The following CNBD1 variants were observed in gnomAD, a reference collection of about 807,000 sequenced individuals.
The protein encoded by CNBD1 is cyclic nucleotide-binding domain-containing protein 1.
CNBD1 carries 71 observed loss-of-function variants against 54.4 expected under a neutral mutation model. The ratio of observed to expected loss-of-function variants is 1.30; its 90% CI spans 1.08 to 1.59. The LOEUF (loss-of-function observed/expected upper bound fraction) is 1.59. Among genes scored for constraint, CNBD1 ranks in the 40% most tolerant of loss-of-function variants. The pLI is 0.00. For missense variants in CNBD1, 659 were observed against 518.0 expected (o/e 1.27, Z -2.64); for synonymous variants, 182 against 170.7 (o/e 1.07, Z -0.51).
At chr8:87,119,284 G>T (rs867230943) in intron 4 of CNBD1, among the ~76,000 whole-genome samples, 3 of 149,382 alleles carry the variant, frequency 2.0e-5, no homozygotes, top group Non-Finnish European at 3.0e-5. Context: ...AGTTTTTCTT[G>T]TAGATACCTT....
rs143072165 is a variant in CNBD1, at chr8:87,320,765, T to C, written c.1043-30920T>C. On this transcript the variant is annotated intron_variant, in intron 8 of 10. Transcript: ENST00000518476. The stretch of plus-strand genomic sequence containing the variant: ...ATCCTAACAAATTTTATGTGCACAT[T>C]ACAGCATTATCAACTGCAATCACAA... 2.7e-3 allele frequency among the ~76,000 whole-genome samples: 415 copies of C among 152,260 alleles called. 2 individuals carry two copies. Among genetic ancestry groups the C allele is most frequent in the Non-Finnish European group, 4.8e-3 (328 of 68,004 alleles).
At chr8:87,387,238 C>CAA (rs1373782446), downstream of CNBD1, among the ~76,000 whole-genome samples, 5 of 152,126 alleles carry the variant, frequency 3.3e-5, no homozygotes, top group East Asian at 5.8e-4. Context: ...ATGACAGGAT[C>CAA]AAGTTCACAC....
chr8:86,892,662 T>G (rs551033268), intron 2 of CNBD1, among the ~76,000 whole-genome samples: 1 of 152,246 alleles, frequency 6.6e-6, no homozygotes, highest in African/African-American at 2.4e-5. Context: ...TTTCAGTACA[T>G]TTAATTAGAA....
At chr8:87,328,217 A>G (rs1362112050) in intron 8 of CNBD1, among the ~76,000 whole-genome samples, 2 of 152,116 alleles carry the variant, frequency 1.3e-5, no homozygotes, top group East Asian at 3.9e-4. Flanking sequence ...TTCTAAAACC[A>G]TTTACTGAAG....
chr8:86,951,354 C>T (rs997415107), intron 4 of CNBD1, among the ~76,000 whole-genome samples: 6 of 151,548 alleles, frequency 4.0e-5, no homozygotes, highest in South Asian at 2.1e-4. Flanking sequence ...TTTGGGAGGC[C>T]GAGGCAGGCA....
intron 2 of CNBD1, among the ~76,000 whole-genome samples, chr8:87,405,235 A>G (rs916951631): frequency 1.3e-5 from 2 of 152,058 alleles, no homozygotes; most frequent in Non-Finnish European, 2.9e-5. Context: ...AAGCACTTAG[A>G]AGTTATATAA....
intron 1 of CNBD1, among the ~76,000 whole-genome samples, chr8:86,873,289 C>T (rs778736816): frequency 1.1e-4 from 16 of 151,450 alleles, no homozygotes; most frequent in Admixed American, 7.2e-4. Flanking sequence ...TTAGTAGAGA[C>T]GGGGTTTCTC....
At chr8:87,341,415 G>T (rs1024726966) in intron 8 of CNBD1, among the ~76,000 whole-genome samples, 1 of 152,156 alleles carries the variant, frequency 6.6e-6, no homozygotes, top group Non-Finnish European at 1.5e-5. Context: ...GGGGAAACTG[G>T]TTGCTGGGAG....
chr8:87,347,495 A>T (rs979586525), intron 8 of CNBD1, among the ~76,000 whole-genome samples: 1 of 152,216 alleles, frequency 6.6e-6, no homozygotes, highest in African/African-American at 2.4e-5. Context: ...TCAATAACTT[A>T]TACAATAAGT....
intron 4 of CNBD1, among the ~76,000 whole-genome samples, chr8:87,133,397 C>T (rs924797370): frequency 3.3e-5 from 5 of 152,172 alleles, no homozygotes; most frequent in Non-Finnish European, 5.9e-5. Context: ...ACTCTAAACT[C>T]CATCTTTCCT....
chr8:87,136,635 T>A (rs1441783793), intron 4 of CNBD1, among the ~76,000 whole-genome samples: 7 of 21,028 alleles, frequency 3.3e-4, no homozygotes, highest in East Asian at 9.0e-4. Context: ...TATATTTATA[T>A]TATATATAAA....
At chr8:87,304,710 A>G (rs1809105523) in intron 8 of CNBD1, among the ~76,000 whole-genome samples, 1 of 152,184 alleles carries the variant, frequency 6.6e-6, no homozygotes, top group Non-Finnish European at 1.5e-5. Context: ...AAAATCCAGC[A>G]TTACTTTATT....
chr8:87,367,525 C>G (rs1044409726), intron 10 of CNBD1, among the ~76,000 whole-genome samples: 2 of 151,952 alleles, frequency 1.3e-5, no homozygotes, highest in African/African-American at 4.8e-5. Context: ...TTCTGCTTCT[C>G]CACATCTATT....
chr8:87,190,045 T>G (rs1454665253), intron 4 of CNBD1, among the ~76,000 whole-genome samples: 2 of 152,208 alleles, frequency 1.3e-5, no homozygotes, highest in Admixed American at 1.3e-4. Context: ...GCCACAATGC[T>G]GCTTCTAAAA....
At chr8:86,989,868 C>T (rs865894936) in intron 4 of CNBD1, among the ~76,000 whole-genome samples, 6 of 152,114 alleles carry the variant, frequency 3.9e-5, no homozygotes, top group Non-Finnish European at 5.9e-5. Context: ...TTATTATTGC[C>T]TCTCCTTTGA....
chr8:87,127,553 A>G (rs977488917), intron 4 of CNBD1, among the ~76,000 whole-genome samples: 3 of 152,042 alleles, frequency 2.0e-5, no homozygotes, highest in Non-Finnish European at 2.9e-5. Flanking sequence ...GGATTTTTTC[A>G]TAGGTTTCTT....
At chr8:87,301,782 G>A (rs1329806410) in intron 8 of CNBD1, among the ~76,000 whole-genome samples, 1 of 151,710 alleles carries the variant, frequency 6.6e-6, no homozygotes, top group Admixed American at 6.6e-5. Context: ...TCAAATAGAG[G>A]AAATAAAAAA....
chr8:87,198,843 A>G (rs1336675393), intron 4 of CNBD1, among the ~76,000 whole-genome samples: 1 of 152,206 alleles, frequency 6.6e-6, no homozygotes, highest in Non-Finnish European at 1.5e-5. Context: ...AGACTGGATA[A>G]TTTATAAAGA....
chr8:87,346,414 T>G (rs1018754581), intron 8 of CNBD1, among the ~76,000 whole-genome samples: 2 of 151,988 alleles, frequency 1.3e-5, no homozygotes, highest in South Asian at 4.1e-4. Context: ...TTAATAATAC[T>G]TTTATTAATT....
Sources: allele counts gnomAD v4.1 joint callset (sites outside exome capture counted in the v4.1 genomes callset), GRCh38; gene constraint gnomAD v4.1.1; transcripts MANE v1.5; gene names NCBI Gene and HGNC (gene_info 2026-07-23, HGNC 2026-07-21).